CTIF: variants seen among roughly 807,000 people sequenced by gnomAD.
The protein encoded by CTIF is cap binding complex dependent translation initiation factor.
In CTIF, 21 loss-of-function variants were observed where a neutral mutation model predicts 66.0. The ratio of observed to expected loss-of-function variants is 0.32; its 90% CI spans 0.23 to 0.46. The LOEUF is 0.46. Among genes scored for constraint, CTIF ranks in the 20% least tolerant of loss-of-function variants. The pLI is 1.00. For synonymous variants in CTIF, 345 were observed against 326.4 expected (o/e 1.06, Z -0.62); for missense variants, 739 against 812.7 (o/e 0.91, Z 1.10).
chr18:48,857,540 A>C, intron 10 of CTIF, 48 bp from the exon 11 acceptor site: 3 of 1,558,604 alleles, frequency 1.9e-6, no homozygotes, highest in Non-Finnish European at 1.7e-6. Flanking sequence ...AGGGCCCAGT[A>C]GCCGGCATGT....
intron 7 of CTIF, among the ~76,000 whole-genome samples, chr18:48,732,946 A>G (rs1037792147): frequency 2.0e-5 from 3 of 152,244 alleles, no homozygotes; most frequent in African/African-American, 4.8e-5. Flanking sequence ...CTACATCACC[A>G]TAATCAGACA....
In CTIF at chr18:48,781,785, G is replaced by A. The variant is rs566941786; in HGVS notation, c.1371+20096G>A. Among the ~76,000 whole-genome samples the A allele has an allele frequency of 2.6e-5, 4 of 152,140 alleles. No individual in the cohort carries two copies. The South Asian group carries it at 6.2e-4, about 24-fold the overall frequency. ...TAGTGCGGTAAAAGGCCTGGGTTTCGGTCTGGATTGTACCACTAATTTGAC... is the reference window on the plus strand; with the variant it reads ...TAGTGCGGTAAAAGGCCTGGGTTTCAGTCTGGATTGTACCACTAATTTGAC... On this transcript the variant is annotated intron_variant, in intron 9 of 11. Coordinates refer to ENST00000256413, the MANE Select transcript of CTIF (RefSeq NM_014772.3).
At chr18:48,560,477 G>A (rs896995478) in intron 1 of CTIF, among the ~76,000 whole-genome samples, 2 of 151,992 alleles carry the variant, frequency 1.3e-5, no homozygotes, top group East Asian at 1.9e-4. Flanking sequence ...TGCCCACCTC[G>A]GCCTCCCAAA....
intron 9 of CTIF, among the ~76,000 whole-genome samples, chr18:48,778,403 G>A (rs1252978643): frequency 1.3e-5 from 2 of 152,228 alleles, no homozygotes; most frequent in East Asian, 3.9e-4. Context: ...CTTAGAACAA[G>A]CATTCAATCC....
At chr18:48,836,395 G>T (rs1285434262) in intron 10 of CTIF, among the ~76,000 whole-genome samples, 1 of 152,070 alleles carries the variant, frequency 6.6e-6, no homozygotes, top group Non-Finnish European at 1.5e-5. Flanking sequence ...GCTCTGCCTG[G>T]AGGACAGTGG....
chr18:48,750,759 G>A (rs1009018558), intron 7 of CTIF, among the ~76,000 whole-genome samples: 2 of 152,178 alleles, frequency 1.3e-5, no homozygotes, highest in Admixed American at 6.5e-5. Context: ...TCAGCCCTCC[G>A]CCTTTGCTTC....
chr18:48,707,601 C>T (rs2092173985), intron 6 of CTIF, among the ~76,000 whole-genome samples: 1 of 151,644 alleles, frequency 6.6e-6, no homozygotes, highest in African/African-American at 2.4e-5. Flanking sequence ...CTTCTCCTTT[C>T]TTCCTCCTCC....
At chr18:48,798,930 C>T (rs973466398) in intron 9 of CTIF, among the ~76,000 whole-genome samples, 16 of 152,258 alleles carry the variant, frequency 1.1e-4, no homozygotes, top group South Asian at 2.1e-4. Context: ...ACCAATGAGC[C>T]GACCGAAAAT....
At chr18:48,728,803 G>A (rs2092410601) in intron 7 of CTIF, among the ~76,000 whole-genome samples, 1 of 151,922 alleles carries the variant, frequency 6.6e-6, no homozygotes, top group Non-Finnish European at 1.5e-5. Context: ...TTTGTAACCT[G>A]GTCTCAAAGC....
At chr18:48,735,780 T>C (rs928557007) in intron 7 of CTIF, among the ~76,000 whole-genome samples, 1 of 152,152 alleles carries the variant, frequency 6.6e-6, no homozygotes, top group African/African-American at 2.4e-5. Flanking sequence ...TACCCAAAGG[T>C]GCCTGGGTCT....
At chr18:48,696,271 C>T (rs8094808) in intron 6 of CTIF, among the ~76,000 whole-genome samples, 2,793 of 152,308 alleles carry the variant, frequency 0.018, 84 homozygotes, top group African/African-American at 0.063. Flanking sequence ...TCACCTCCAG[C>T]CCTTTCACAT....
chr18:48,816,389 G>A (rs1047509605), intron 9 of CTIF, among the ~76,000 whole-genome samples: 1 of 152,130 alleles, frequency 6.6e-6, no homozygotes, highest in African/African-American at 2.4e-5. Flanking sequence ...AGAGCGCTGA[G>A]GTTTTAATTT....
intron 6 of CTIF, among the ~76,000 whole-genome samples, chr18:48,698,069 C>T (rs1229346122): frequency 7.5e-6 from 1 of 132,478 alleles, no homozygotes; most frequent in Non-Finnish European, 1.6e-5. Context: ...CTCCTCCCTC[C>T]TGAAAGTCAA....
chr18:48,788,822 A>C (rs1388034668), intron 9 of CTIF, among the ~76,000 whole-genome samples: 1 of 152,186 alleles, frequency 6.6e-6, no homozygotes, highest in Non-Finnish European at 1.5e-5. Flanking sequence ...GGTGGGTGTG[A>C]ACTCATCACC....
At chr18:48,649,606 C>T (rs561652724) in intron 3 of CTIF, among the ~76,000 whole-genome samples, 137 of 152,324 alleles carry the variant, frequency 9.0e-4, no homozygotes, top group Middle Eastern at 3.4e-3. Flanking sequence ...CAGTGGTTCT[C>T]CCAGCATGGT....
At chr18:48,633,184 G>T (rs2090753374) in intron 2 of CTIF, among the ~76,000 whole-genome samples, 1 of 152,108 alleles carries the variant, frequency 6.6e-6, no homozygotes, top group Non-Finnish European at 1.5e-5. Context: ...TTTTCTGAGA[G>T]GTCACCTAGG....
chr18:48,794,781 A>G (rs1417590624), intron 9 of CTIF, among the ~76,000 whole-genome samples: 1 of 152,168 alleles, frequency 6.6e-6, no homozygotes, highest in Non-Finnish European at 1.5e-5. Context: ...TGTTCAGCAG[A>G]TTTCAGAAGG....
At chr18:48,753,153 G>A (rs1908005638) in intron 7 of CTIF, among the ~76,000 whole-genome samples, 1 of 152,200 alleles carries the variant, frequency 6.6e-6, no homozygotes, top group South Asian at 2.1e-4. Flanking sequence ...GCCTACGCTG[G>A]TAATAAGCAG....
intron 3 of CTIF, among the ~76,000 whole-genome samples, chr18:48,659,068 TCTC>T (rs2091294922): frequency 6.6e-6 from 1 of 152,294 alleles, no homozygotes; most frequent in African/African-American, 2.4e-5. Context: ...ATGGATGTCT[TCTC>T]CACGTGCTAG....
Sources: allele counts gnomAD v4.1 joint callset (sites outside exome capture counted in the v4.1 genomes callset), GRCh38; gene constraint gnomAD v4.1.1; transcripts MANE v1.5; gene names NCBI Gene and HGNC (gene_info 2026-07-23, HGNC 2026-07-21).